The following CASQ2 variants were observed in gnomAD, a reference collection of about 807,000 sequenced individuals.
CASQ2 encodes calsequestrin-2.
In CASQ2, 49 loss-of-function variants were observed where a neutral mutation model predicts 46.5. That is an observed-to-expected ratio of 1.05 (90% CI 0.84 to 1.34). The LOEUF is 1.34. Among genes scored for constraint, CASQ2 ranks in the 40% most tolerant of loss-of-function variants. CASQ2 has a pLI of 0.00. For synonymous variants in CASQ2, 174 were observed against 168.5 expected, an observed-to-expected ratio of 1.03 and a Z score of -0.25; for missense variants, 486 against 481.3, an observed-to-expected ratio of 1.01 and a Z score of -0.09.
chr1:115,728,471 G>T (rs1570819164), intron 5 of CASQ2, among the ~76,000 whole-genome samples: 1 of 152,216 alleles, frequency 6.6e-6, no homozygotes, highest in African/African-American at 2.4e-5. Flanking sequence ...AGGGGTAGGG[G>T]GGTGATGTAG....
intron 4 of CASQ2, among the ~76,000 whole-genome samples, chr1:115,733,980 A>C (rs759704305): frequency 1.3e-5 from 2 of 152,196 alleles, no homozygotes; most frequent in Non-Finnish European, 2.9e-5. Flanking sequence ...CAGCCTAGAG[A>C]GAGCTATTGA....
At chr1:115,761,439 A>AGG (rs1553197250) in intron 1 of CASQ2, among the ~76,000 whole-genome samples, 1 of 5,528 alleles carries the variant, frequency 1.8e-4, no homozygotes, top group African/African-American at 1.3e-3. Flanking sequence ...GAAGAAGAAG[A>AGG]AAGAAGAAGA....
intron 5 of CASQ2, among the ~76,000 whole-genome samples, chr1:115,732,431 G>A (rs1013813713): frequency 3.3e-5 from 5 of 152,164 alleles, no homozygotes; most frequent in East Asian, 1.9e-4. Flanking sequence ...ATCCCACCAC[G>A]TCCCTTCCCT....
At chr1:115,730,806 T>A (rs1156522264) in intron 5 of CASQ2, among the ~76,000 whole-genome samples, 1 of 152,222 alleles carries the variant, frequency 6.6e-6, no homozygotes, top group Non-Finnish European at 1.5e-5. Flanking sequence ...TTCTTGTCCC[T>A]TGCCTCTCCT....
chr1:115,757,903 T>C (rs1395807164), intron 1 of CASQ2, among the ~76,000 whole-genome samples: 1 of 152,212 alleles, frequency 6.6e-6, no homozygotes, highest in Non-Finnish European at 1.5e-5. Context: ...TCTTGACCTT[T>C]CCCTTCTTCC....
rs781565627 is a variant in CASQ2 at position 115,705,247 on chromosome 1, T to C, written c.884A>G (p.Asn295Ser). Residue 295 changes from asparagine (N) to serine (S), a missense_variant, in exon 9 of 11, where the codon AAT becomes AGT. Coordinates refer to ENST00000261448, the MANE Select transcript of CASQ2 (RefSeq NM_001232.4). Reference protein sequence around the residue: ...LEILKQVARDNTDNPDLSILW... With the variant: ...LEILKQVARDSTDNPDLSILW... ...GATGCTCAGATCGGGGTTGTCAGTATTGTCCCGGGCAACCTGTTTCAGGAT... is the reference window on the plus strand; with the variant it reads ...GATGCTCAGATCGGGGTTGTCAGTACTGTCCCGGGCAACCTGTTTCAGGAT... 4 of 1,614,022 alleles carry C rather than the reference T, an allele frequency of 2.5e-6. No individual in the cohort carries two copies. Among genetic ancestry groups the C allele is most frequent in the Admixed American group, 1.7e-5 (1 of 60,008 alleles).
intron 7 of CASQ2, among the ~76,000 whole-genome samples, chr1:115,719,271 C>T (rs1444738368): frequency 1.1e-5 from 1 of 95,232 alleles, no homozygotes; most frequent in Non-Finnish European, 2.1e-5. Context: ...GCTTATTACA[C>T]AAATCGACAG....
rs1291884749 is a variant in CASQ2 at position 115,727,102 on chromosome 1, C to T, written c.627G>A (p.Leu209=). ...CATAGAAGTCAACCTCATTCATCTT[C>T]AAAGATAATTTCTTTGCAACCTGTA... ...FDKGVAKKLS[L]KMNEVDFYEP... Residue 209 remains leucine (L), a synonymous_variant, in exon 6 of 11, where the codon TTG becomes TTA. Transcript: ENST00000261448. 6 of 1,612,946 alleles carry T rather than the reference C, an allele frequency of 3.7e-6. No individual in the cohort carries two copies. Among genetic ancestry groups the T allele is most frequent in the Non-Finnish European group, 5.1e-6 (6 of 1,179,164 alleles).
intron 7 of CASQ2, among the ~76,000 whole-genome samples, chr1:115,721,728 A>G (rs1228075258): frequency 6.6e-6 from 1 of 152,008 alleles, no homozygotes; most frequent in African/African-American, 2.4e-5. Context: ...ACACCACCAC[A>G]CCCAGCTAAT....
At chr1:115,757,706 C>A (rs1347628121) in intron 1 of CASQ2, among the ~76,000 whole-genome samples, 1 of 152,030 alleles carries the variant, frequency 6.6e-6, no homozygotes, top group Non-Finnish European at 1.5e-5. Context: ...GGCTAAGAAT[C>A]CCATGGCTTA....
chr1:115,740,865 CTGA>C, intron 2 of CASQ2, 37 bp from the exon 3 acceptor site: 1 of 1,388,912 alleles, frequency 7.2e-7, no homozygotes, highest in Non-Finnish European at 1.0e-6. Flanking sequence ...GAAGGTCATC[CTGA>C]CGTAGGAAGA....
At chr1:115,752,812 G>T (rs1648628847) in intron 1 of CASQ2, among the ~76,000 whole-genome samples, 1 of 152,220 alleles carries the variant, frequency 6.6e-6, no homozygotes, top group African/African-American at 2.4e-5. Flanking sequence ...AGAGCAGACA[G>T]AAAGGAGAGT....
intron 3 of CASQ2, among the ~76,000 whole-genome samples, chr1:115,738,753 T>C (rs932924540): frequency 6.6e-6 from 1 of 152,208 alleles, no homozygotes; most frequent in African/African-American, 2.4e-5. Context: ...CTTTTAGTGA[T>C]TTTGAAATAT....
intron 1 of CASQ2, among the ~76,000 whole-genome samples, chr1:115,753,162 C>G (rs760839308): frequency 6.6e-5 from 10 of 152,058 alleles, no homozygotes; most frequent in African/African-American, 2.4e-4. Flanking sequence ...AGCCCAGACC[C>G]GGAGGTGCTG....
At chr1:115,738,654 A>G (rs1481587875) in intron 3 of CASQ2, among the ~76,000 whole-genome samples, 1 of 152,232 alleles carries the variant, frequency 6.6e-6, no homozygotes, top group Non-Finnish European at 1.5e-5. Context: ...TGATCTATAA[A>G]TATGTGAAAT....
At chr1:115,727,156 G>T in intron 5 of CASQ2, 34 bp from the exon 6 acceptor site, 1 of 1,504,872 alleles carries the variant, frequency 6.6e-7, no homozygotes, top group South Asian at 1.1e-5. Context: ...AAGTTTATTT[G>T]AATACTAGTC....
chr1:115,744,180 A>T (rs1272554478), intron 2 of CASQ2, among the ~76,000 whole-genome samples: 1 of 151,948 alleles, frequency 6.6e-6, no homozygotes. Context: ...AGAAAAAGAA[A>T]ACCAGAGGAA....
intron 1 of CASQ2, among the ~76,000 whole-genome samples, chr1:115,759,772 T>C (rs1227174036): frequency 6.6e-6 from 1 of 152,210 alleles, no homozygotes; most frequent in Non-Finnish European, 1.5e-5. Flanking sequence ...CATCATAACA[T>C]CTTAATATCC....
chr1:115,706,178 G>A (rs1654354468), intron 8 of CASQ2, among the ~76,000 whole-genome samples: 1 of 151,928 alleles, frequency 6.6e-6, no homozygotes, highest in South Asian at 2.1e-4. Flanking sequence ...GTGCGTGCGT[G>A]TGTGTATGTG....
Sources: gnomAD v4.1 joint callset for allele counts (sites outside exome capture counted in the v4.1 genomes callset) on GRCh38, gnomAD v4.1.1 for gene constraint, MANE v1.5 for transcripts, NCBI Gene and HGNC (gene_info 2026-07-23, HGNC 2026-07-21) for gene names.